Variants in EPB41 observed in about 807,000 individuals in gnomAD.
EPB41 encodes the protein erythrocyte membrane protein band 4.1.
A neutral mutation model predicts 108.0 loss-of-function variants in EPB41; 65 were observed. The observed-to-expected ratio is 0.60, with a 90% CI of 0.49 to 0.74. EPB41 has a LOEUF of 0.74. EPB41 is among the 30% of genes least tolerant of loss of function. The pLI is 0.00. For synonymous variants in EPB41, 336 were observed against 358.9 expected (o/e 0.94, Z 0.72); for missense variants, 875 against 1,037.0 (o/e 0.84, Z 2.15).
chr1:28,979,266 T>G (rs1415258052), intron 1 of EPB41, among the ~76,000 whole-genome samples: 1 of 151,494 alleles, frequency 6.6e-6, no homozygotes, highest in Non-Finnish European at 1.5e-5. Flanking sequence ...GGCCAAGCAA[T>G]ACCAAAACTT....
chr1:29,037,886 A>T (rs116606282), intron 10 of EPB41, among the ~76,000 whole-genome samples: 13,713 of 152,192 alleles, frequency 0.09, 795 homozygotes, highest in Non-Finnish European at 0.14. Flanking sequence ...CATATGTAGC[A>T]ACAGTACAAT....
chr1:29,110,155 G>C (rs909856423), intron 18 of EPB41, among the ~76,000 whole-genome samples: 5 of 149,304 alleles, frequency 3.3e-5, no homozygotes, highest in African/African-American at 7.4e-5. Context: ...TGGCAACATA[G>C]TGAAACCTCA....
At chr1:29,051,296 A>C (rs1282028319) in intron 11 of EPB41, among the ~76,000 whole-genome samples, 2 of 148,902 alleles carry the variant, frequency 1.3e-5, no homozygotes. Flanking sequence ...ACGACGTTTC[A>C]CCTTGTTGAC....
At chr1:29,037,643 C>T (rs961817448) in intron 10 of EPB41, among the ~76,000 whole-genome samples, 33 of 149,980 alleles carry the variant, frequency 2.2e-4, no homozygotes, top group East Asian at 1.4e-3. Flanking sequence ...AGTGCAGTGG[C>T]GCAATGCCTC....
intron 17 of EPB41, 84 bp downstream of exon 17, chr1:29,098,019 G>A (rs979992181): frequency 1.0e-5 from 16 of 1,581,990 alleles, no homozygotes; most frequent in Admixed American, 1.7e-5. Context: ...GTCATTTATC[G>A]CCAAGAATAC....
intron 17 of EPB41, among the ~76,000 whole-genome samples, chr1:29,100,484 A>G (rs898395733): frequency 5.8e-4 from 86 of 147,032 alleles, no homozygotes; most frequent in Non-Finnish European, 1.1e-3. Context: ...AAATAAATAA[A>G]TAAAATAAAA....
Position 28,929,706 on chromosome 1 carries a change from T to C in EPB41, c.-8+14938T>C, listed in dbSNP as rs2093634729. On this transcript the variant is annotated intron_variant, in intron 1 of 20. Coordinates refer to ENST00000343067, the MANE Select transcript of EPB41 (RefSeq NM_001376013.1). ...GCCACCACGCCTGGCTAATTTTGTA[T>C]TTTTAGTAGAGACGGGGTTTATCCA... Among the ~76,000 whole-genome samples the C allele has an allele frequency of 2.0e-5, 3 of 151,638 alleles. No individual in the cohort carries two copies. In the South Asian group the frequency reaches 6.2e-4, roughly 32 times the overall value.
At chr1:28,929,207 CTTTTTT>C in intron 1 of EPB41, among the ~76,000 whole-genome samples, 1 of 151,510 alleles carries the variant, frequency 6.6e-6, no homozygotes, top group East Asian at 1.9e-4. Flanking sequence ...CCTTGGCCTT[CTTTTTT>C]TATTTTAATT....
intron 1 of EPB41, among the ~76,000 whole-genome samples, chr1:28,933,303 T>C (rs541814868): frequency 6.6e-6 from 1 of 152,352 alleles, no homozygotes; most frequent in South Asian, 2.1e-4. Context: ...CTTAATATTC[T>C]TACAGCAATA....
intron 18 of EPB41, 37 bp downstream of exon 18, chr1:29,109,474 G>A: frequency 1.3e-6 from 2 of 1,577,402 alleles, no homozygotes; most frequent in Non-Finnish European, 1.7e-6. Context: ...TGGAACCCAG[G>A]GGCAGGCTAA....
intron 16 of EPB41, among the ~76,000 whole-genome samples, chr1:29,084,577 AATTTC>A (rs1658028795): frequency 6.6e-6 from 1 of 152,244 alleles, no homozygotes; most frequent in Admixed American, 6.5e-5. Flanking sequence ...AAAATTTAGT[AATTTC>A]AAGGAGCAAA....
At chr1:29,083,524 C>A (rs751594596) in intron 16 of EPB41, among the ~76,000 whole-genome samples, 2 of 152,152 alleles carry the variant, frequency 1.3e-5, no homozygotes, top group Non-Finnish European at 1.5e-5. Flanking sequence ...GCTCCTACTG[C>A]TTGACTTGTC....
At position 28,962,393 on chromosome 1, in the gene EPB41, C is replaced by T. The variant is rs530676001; in HGVS notation, c.-7-25038C>T. 3.3e-5 allele frequency among the ~76,000 whole-genome samples: 5 copies of T among 152,248 alleles called. No individual in the cohort carries two copies. In the East Asian group the frequency reaches 9.6e-4, roughly 29 times the overall value. The stretch of plus-strand genomic sequence containing the variant: ...TTGCTATTACTTTTAATGGCAAAAA[C>T]CGCAGTTACTTTTGCATCAACCTAT... On this transcript the variant is annotated intron_variant, in intron 1 of 20. Coordinates refer to ENST00000343067, the MANE Select transcript of EPB41 (RefSeq NM_001376013.1).
chr1:29,061,471 G>T (rs184108378), intron 15 of EPB41, among the ~76,000 whole-genome samples: 11,258 of 150,516 alleles, frequency 0.075, 421 homozygotes, highest in African/African-American at 0.1. Context: ...GGGTTTCACT[G>T]TGTTAGCCAG....
At chr1:28,925,301 GGGGTC>G (rs2093382242) in intron 1 of EPB41, among the ~76,000 whole-genome samples, 1 of 151,804 alleles carries the variant, frequency 6.6e-6, no homozygotes, top group Non-Finnish European at 1.5e-5. Context: ...TTGTAGGGAT[GGGGTC>G]TCCATATGTT....
rs138888144 is a variant in EPB41 at position 29,053,167 on chromosome 1, G to A, written c.1700G>A (p.Gly567Asp). 6.0e-3 allele frequency: 9,615 copies of A among 1,614,148 alleles called. 38 individuals are homozygous for A. Among genetic ancestry groups the A allele is most frequent in the Middle Eastern group, 0.016 (99 of 6,062 alleles). Reference protein sequence around the residue: ...RPTSAPAITQGQVAEGGVLDA... With the variant: ...RPTSAPAITQDQVAEGGVLDA... ...ACTTCTGCACCTGCCATTACTCAGG[G>A]TCAGGTTGCAGAAGGTGGCGTCCTA... The change falls in exon 12 of 21, where the codon GGT becomes GAT. Residue 567 changes from glycine to aspartate, a missense_variant. Around this residue, in one of 3 missense-constraint regions of EPB41, gnomAD observed 519 missense variants for 627.3 expected, o/e 0.83. Transcript: ENST00000343067.
chr1:28,912,484 A>G (rs1187150740), upstream of EPB41, among the ~76,000 whole-genome samples: 1 of 152,082 alleles, frequency 6.6e-6, no homozygotes, highest in African/African-American at 2.4e-5. Context: ...ATATTATTAT[A>G]TTTGCCAGTT....
chr1:28,911,052 C>T, upstream of EPB41: 26 of 985,322 alleles, frequency 2.6e-5, no homozygotes, highest in Non-Finnish European at 3.0e-5. Context: ...GCAGGGTGAG[C>T]TGGGACTGGA....
At chr1:28,983,894 G>A (rs898701015) in intron 1 of EPB41, among the ~76,000 whole-genome samples, 1 of 152,122 alleles carries the variant, frequency 6.6e-6, no homozygotes, top group African/African-American at 2.4e-5. Flanking sequence ...TTTTGTATCT[G>A]CACACATGGC....
Sources: allele counts gnomAD v4.1 joint callset (sites outside exome capture counted in the v4.1 genomes callset), GRCh38; gene constraint gnomAD v4.1.1; regional missense constraint gnomAD v4.1.1; transcripts MANE v1.5; gene names NCBI Gene and HGNC (gene_info 2026-07-23, HGNC 2026-07-21).